NAAA: variants seen among roughly 807,000 people sequenced by gnomAD.
NAAA encodes the protein N-acylethanolamine-hydrolyzing acid amidase.
NAAA carries 39 observed loss-of-function variants against 44.8 expected under a neutral mutation model. The observed-to-expected ratio is 0.87, with a 90% CI of 0.67 to 1.14. The LOEUF (loss-of-function observed/expected upper bound fraction) is 1.14, where lower values mean the gene tolerates loss of function less well. NAAA is among the 50% of genes most tolerant of loss of function. The pLI is 0.00. For synonymous variants in NAAA, 178 were observed against 191.3 expected (o/e 0.93, Z 0.58); for missense variants, 460 against 467.8 (o/e 0.98, Z 0.15).
intron 5 of NAAA, among the ~76,000 whole-genome samples, chr4:75,924,858 T>C (rs2149260293): frequency 6.6e-6 from 1 of 152,312 alleles, no homozygotes; most frequent in South Asian, 2.1e-4. Flanking sequence ...GCCACGTCTC[T>C]CAGATGACTA....
chr4:75,931,482 G>T (rs977517933), intron 3 of NAAA, among the ~76,000 whole-genome samples, 178 bp from the exon 4 acceptor site: 1 of 151,984 alleles, frequency 6.6e-6, no homozygotes, highest in African/African-American at 2.4e-5. Flanking sequence ...GTGGGTGGGG[G>T]TGTGGTCCAT....
At chr4:75,919,800 T>G (rs557424771) in intron 8 of NAAA, 109 bp downstream of exon 8, 2 of 1,127,992 alleles carry the variant, frequency 1.8e-6, no homozygotes, top group African/African-American at 1.5e-5. Context: ...CAAATAAAAC[T>G]TTTACCCTAA....
rs368969473 is a variant in NAAA at position 75,925,738 on chromosome 4, G to A, written c.663C>T (p.Arg221=). Residue 221 remains arginine (R), a synonymous_variant, in exon 5 of 11, where the codon CGC becomes CGT. Transcript: ENST00000286733. ...RRHIPVSWLI[R]ATLSESENFE... is the part of the protein sequence containing the mutation. ...GCTCCACATTAAATATACTCACAGCGCGGATCAGCCAGCTGACGGGAATGT... is the reference window on the plus strand; with the variant it reads ...GCTCCACATTAAATATACTCACAGCACGGATCAGCCAGCTGACGGGAATGT... The A allele has an allele frequency of 3.7e-5, 60 of 1,613,984 alleles. No individual in the cohort carries two copies. Among genetic ancestry groups the A allele is most frequent in the Non-Finnish European group, 4.5e-5 (53 of 1,179,986 alleles).
intron 4 of NAAA, among the ~76,000 whole-genome samples, chr4:75,926,464 GGGA>G (rs1342832684): frequency 1.3e-5 from 2 of 151,012 alleles, no homozygotes; most frequent in Admixed American, 6.6e-5. Flanking sequence ...GGGAGGCTGA[GGGA>G]GGAGAATTGC....
intron 6 of NAAA, 67 bp downstream of exon 6, chr4:75,920,884 C>T: frequency 1.9e-6 from 3 of 1,612,514 alleles, no homozygotes; most frequent in Admixed American, 3.3e-5. Flanking sequence ...TAAAATACCC[C>T]TCATTTCACC....
intron 4 of NAAA, 127 bp downstream of exon 4, chr4:75,931,087 C>T: frequency 1.5e-6 from 1 of 666,550 alleles, no homozygotes; most frequent in Non-Finnish European, 2.6e-6. Context: ...CCACTTTCTC[C>T]CCCTAGGATG....
At chr4:75,934,472 C>T (rs28422144) in intron 3 of NAAA, among the ~76,000 whole-genome samples, 30,720 of 145,092 alleles carry the variant, frequency 0.21, 3,604 homozygotes, top group East Asian at 0.35. Flanking sequence ...CCCACCCACA[C>T]GCCCAGCTAA....
At chr4:75,930,361 G>A (rs1372474286) in intron 4 of NAAA, 2 of 447,750 alleles carry the variant, frequency 4.5e-6, no homozygotes, top group Admixed American at 4.9e-5. Context: ...ACCCAGGAGA[G>A]CAATCTGAGA....
chr4:75,919,486 A>ATT (rs977273528), intron 8 of NAAA: 62 of 170,960 alleles, frequency 3.6e-4, no homozygotes, highest in East Asian at 1.1e-3. Context: ...ATGTCATATA[A>ATT]TTTTTTTTTT....
intron 2 of NAAA, among the ~76,000 whole-genome samples, chr4:75,938,636 C>T (rs1727939485): frequency 1.3e-5 from 2 of 152,204 alleles, no homozygotes; most frequent in Admixed American, 1.3e-4. Context: ...ATCTTTTCTA[C>T]CCCCATCATC....
At chr4:75,918,549 T>C (rs1725840491) in intron 9 of NAAA, among the ~76,000 whole-genome samples, 1 of 152,044 alleles carries the variant, frequency 6.6e-6, no homozygotes, top group Admixed American at 6.6e-5. Flanking sequence ...TTTATATTTG[T>C]TTATCACCAC....
chr4:75,924,996 A>ATT (rs5859484), intron 5 of NAAA, among the ~76,000 whole-genome samples: 132 of 147,486 alleles, frequency 8.9e-4, no homozygotes, highest in African/African-American at 1.0e-3. Context: ...GCATAACTTC[A>ATT]TTTTTTTTTT....
At chr4:75,911,240 T>A (rs992293827), downstream of NAAA, 7 of 484,520 alleles carry the variant, frequency 1.4e-5, no homozygotes, top group East Asian at 4.1e-4. Context: ...TCTTCTTTTG[T>A]GGATCTTCAG....
chr4:75,938,388 G>C (rs775031046), intron 2 of NAAA, among the ~76,000 whole-genome samples: 1 of 152,188 alleles, frequency 6.6e-6, no homozygotes, highest in Non-Finnish European at 1.5e-5. Flanking sequence ...AAAATGATTC[G>C]TGATTTTTCA....
At chr4:75,921,187 CA>C in intron 5 of NAAA, 64 bp from the exon 6 acceptor site, 1 of 1,426,690 alleles carries the variant, frequency 7.0e-7, no homozygotes, top group Non-Finnish European at 9.4e-7. Context: ...CCAGATGATG[CA>C]AAAATGATCC....
intron 3 of NAAA, among the ~76,000 whole-genome samples, chr4:75,932,184 G>A (rs538959435): frequency 3.3e-4 from 50 of 152,278 alleles, no homozygotes; most frequent in Non-Finnish European, 6.0e-4. Context: ...AACCGAGATA[G>A]CGCCATCACA....
Position 75,930,930 on chromosome 4 carries a change from C to T in NAAA, c.589+284G>A, listed in dbSNP as rs147737956. Among the ~76,000 whole-genome samples, 453 of 152,260 alleles carry T rather than the reference C, an allele frequency of 3.0e-3. 2 individuals are homozygous for T. The highest frequency in any genetic ancestry group is 0.011 in the African/African-American group (440 of 41,540). On this transcript the variant is annotated intron_variant, in intron 4 of 10. Transcript: ENST00000286733. The stretch of plus-strand genomic sequence containing the variant: ...CCCTGGCTTCTGCAGAACTAGCTCC[C>T]GGATCACATGGGTCAGGCCTTCTCT...
chr4:75,920,285 G>A (rs1332856764), intron 7 of NAAA, among the ~76,000 whole-genome samples: 1 of 152,172 alleles, frequency 6.6e-6, no homozygotes, highest in East Asian at 1.9e-4. Flanking sequence ...CCTGCACTTT[G>A]GAACTGTGCT....
In NAAA at chr4:75,915,072, C is replaced by CTT. The variant is rs558878339; in HGVS notation, c.999-89_999-88dup. The CTT allele has an allele frequency of 2.1e-3, 2,039 of 993,862 alleles. 8 individuals carry two copies. The highest frequency in any genetic ancestry group is 2.9e-3 in the Non-Finnish European group (1,800 of 627,296). The allele number at this position is 993,862 out of a possible 1,614,324, so 61.6% of individuals were successfully genotyped here. A position where few individuals can be genotyped will look rare whatever the true frequency, so the allele number is the denominator to read the frequency against. On this transcript the variant is annotated intron_variant, in intron 9 of 10. Transcript: ENST00000286733. ...AAAATGACCAAGTGCTTCCCTAACA[C>CTT]TTGAGATCTGGGACAAGGCCCTTTA... is the stretch of plus-strand genomic sequence containing the variant.
Sources: gnomAD v4.1 joint callset for allele counts (sites outside exome capture counted in the v4.1 genomes callset) on GRCh38, gnomAD v4.1.1 for gene constraint, MANE v1.5 for transcripts, NCBI Gene and HGNC (gene_info 2026-07-23, HGNC 2026-07-21) for gene names.